RCBTB1: variants seen among roughly 807,000 people sequenced by gnomAD.
The protein encoded by RCBTB1 is RCC1 and BTB domain containing protein 1.
RCBTB1 carries 46 observed loss-of-function variants against 62.4 expected under a neutral mutation model. That is an observed-to-expected ratio of 0.74 (90% CI 0.58 to 0.94). RCBTB1 has a LOEUF of 0.94. Among genes scored for constraint, RCBTB1 ranks in the 40% least tolerant of loss-of-function variants. The pLI is 0.00. For synonymous variants in RCBTB1, 222 were observed against 245.8 expected (o/e 0.90, Z 0.91); for missense variants, 565 against 654.9 (o/e 0.86, Z 1.50).
intron 5 of RCBTB1, 99 bp from the exon 6 acceptor site, chr13:49,555,772 G>T: frequency 2.3e-6 from 2 of 878,716 alleles, no homozygotes; most frequent in Non-Finnish European, 1.7e-6. Flanking sequence ...TACTTAATGA[G>T]TACTTAAGAT....
intron 6 of RCBTB1, among the ~76,000 whole-genome samples, chr13:49,554,623 C>A (rs1961689715): frequency 6.6e-6 from 1 of 152,168 alleles, no homozygotes; most frequent in Admixed American, 6.5e-5. Context: ...TGAGCGCCAC[C>A]TCCTGTCAGA....
chr13:49,569,163 A>C (rs1303756319), intron 2 of RCBTB1, among the ~76,000 whole-genome samples: 1 of 152,192 alleles, frequency 6.6e-6, no homozygotes, highest in African/African-American at 2.4e-5. Context: ...TTAAGAGCCC[A>C]CTGTCAGCCT....
At chr13:49,552,511 ACT>A (rs1961464653) in intron 6 of RCBTB1, among the ~76,000 whole-genome samples, 1 of 152,012 alleles carries the variant, frequency 6.6e-6, no homozygotes, top group Non-Finnish European at 1.5e-5. Context: ...GGGGCAAGTC[ACT>A]CTTTCCTGTT....
chr13:49,569,419 C>CAA (rs11311610), intron 2 of RCBTB1, among the ~76,000 whole-genome samples: 1 of 146,660 alleles, frequency 6.8e-6, no homozygotes, highest in Non-Finnish European at 1.5e-5. Context: ...ACAAAAAATA[C>CAA]AAAAAAAAAA....
chr13:49,541,593 A>T, intron 11 of RCBTB1, 83 bp downstream of exon 11: 1 of 1,347,120 alleles, frequency 7.4e-7, no homozygotes, highest in East Asian at 2.4e-5. Context: ...ATACACCTGA[A>T]GCTTTTTACA....
intron 2 of RCBTB1, among the ~76,000 whole-genome samples, chr13:49,573,054 C>T (rs984805941): frequency 1.3e-5 from 2 of 152,046 alleles, no homozygotes; most frequent in African/African-American, 4.8e-5. Context: ...ATAAGCACCC[C>T]CCAAGGAAGC....
At position 49,552,269 on chromosome 13, in the gene RCBTB1, T is replaced by C. The variant is rs1178372367; in HGVS notation, c.620A>G (p.Tyr207Cys). Residue 207 changes from tyrosine to cysteine, a missense_variant, in exon 7 of 13, where the codon TAC becomes TGC. Tyr to Cys is a radical substitution (Grantham distance 194). Coordinates refer to ENST00000378302, the MANE Select transcript of RCBTB1 (RefSeq NM_018191.4). The stretch of plus-strand genomic sequence containing the variant: ...CAGGCCCAGCTGACCGTTGCCATTG[T>C]AACCCCAGCCATATACCTTAGAGAG... ...LDNGEVYGWG[Y>C]NGNGQLGLGN... 6.2e-7 allele frequency: 1 copy of C among 1,601,596 alleles called. No homozygotes were observed. Among genetic ancestry groups the C allele is most frequent in the Non-Finnish European group, 8.5e-7 (1 of 1,173,164 alleles).
chr13:49,552,040 T>C (rs1961406355), intron 7 of RCBTB1, 138 bp downstream of exon 7: 10 of 679,286 alleles, frequency 1.5e-5, no homozygotes, highest in Non-Finnish European at 1.9e-5. Context: ...TTAGGGAAGA[T>C]ATAATATTAA....
At chr13:49,538,442 G>A (rs1357395516) in intron 12 of RCBTB1, among the ~76,000 whole-genome samples, 2 of 152,194 alleles carry the variant, frequency 1.3e-5, no homozygotes, top group Admixed American at 6.5e-5. Context: ...CTGGCGCAGT[G>A]GCTCATGCCT....
At chr13:49,554,618 G>A (rs9596144) in intron 6 of RCBTB1, among the ~76,000 whole-genome samples, 12 of 151,932 alleles carry the variant, frequency 7.9e-5, no homozygotes, top group Non-Finnish European at 1.3e-4. Context: ...CTGCCTGAGC[G>A]CCACCTCCTG....
chr13:49,574,018 A>G (rs1456163683), intron 2 of RCBTB1, among the ~76,000 whole-genome samples: 4 of 148,166 alleles, frequency 2.7e-5, no homozygotes, highest in African/African-American at 1.0e-4. Context: ...TCCTGACCTC[A>G]AGTGATCCAC....
intron 12 of RCBTB1, among the ~76,000 whole-genome samples, chr13:49,535,157 C>G (rs940198702): frequency 6.6e-6 from 1 of 152,124 alleles, no homozygotes; most frequent in African/African-American, 2.4e-5. Context: ...GAACATCACC[C>G]CCACAGAAGT....
intron 12 of RCBTB1, among the ~76,000 whole-genome samples, chr13:49,539,087 C>A (rs1369313564): frequency 6.6e-6 from 1 of 151,956 alleles, no homozygotes; most frequent in African/African-American, 2.4e-5. Flanking sequence ...CCAGGCTGGT[C>A]TCAAACTCCT....
chr13:49,578,058 T>C (rs2137384733), intron 2 of RCBTB1, among the ~76,000 whole-genome samples: 1 of 152,324 alleles, frequency 6.6e-6, no homozygotes, highest in East Asian at 1.9e-4. Flanking sequence ...AAAAAAGTAC[T>C]ATTGTATGCT....
intron 8 of RCBTB1, chr13:49,550,489 T>G: frequency 1.2e-6 from 1 of 868,244 alleles, no homozygotes; most frequent in Non-Finnish European, 1.4e-6. Flanking sequence ...AGGTAAGACC[T>G]TACAATTAGG....
chr13:49,549,075 T>C (rs1410264780), intron 9 of RCBTB1, among the ~76,000 whole-genome samples: 1 of 133,888 alleles, frequency 7.5e-6, no homozygotes, highest in Non-Finnish European at 1.5e-5. Flanking sequence ...GAGGTTGCAG[T>C]GAGCCGAGAT....
chr13:49,575,598 T>C (rs569070618), intron 2 of RCBTB1, among the ~76,000 whole-genome samples: 23 of 152,238 alleles, frequency 1.5e-4, no homozygotes, highest in Middle Eastern at 3.4e-3. Context: ...AAATCATGGA[T>C]GCAGCTACAG....
At position 49,532,538 on chromosome 13, in the gene RCBTB1, C is replaced by T. The variant is rs1452652421; in HGVS notation, c.*1584G>A. ...AGAAAAGTTCTATCATGTTGTAGAA[C>T]GAATTCTAACCGACTAATTCACTGG... On this transcript the variant is annotated 3_prime_UTR_variant, in exon 13 of 13. Transcript: ENST00000378302. The T allele has an allele frequency of 6.6e-6, 1 of 152,442 alleles. No individual in the cohort carries two copies. The highest frequency in any genetic ancestry group is 1.5e-5 in the Non-Finnish European group (1 of 68,010). The allele number at this position is 152,442 out of a possible 1,614,324, so 9.4% of individuals were successfully genotyped here.
chr13:49,555,137 T>C (rs942544666), intron 6 of RCBTB1, among the ~76,000 whole-genome samples: 1 of 152,240 alleles, frequency 6.6e-6, no homozygotes, highest in Non-Finnish European at 1.5e-5. Context: ...TAGGTAGTTC[T>C]ACAAGGACTT....
Sources: allele counts gnomAD v4.1 joint callset (sites outside exome capture counted in the v4.1 genomes callset), GRCh38; gene constraint gnomAD v4.1.1; transcripts MANE v1.5; gene names NCBI Gene and HGNC (gene_info 2026-07-23, HGNC 2026-07-21).